Variants in STAP2 observed in about 807,000 individuals in gnomAD.
STAP2 encodes signal transducing adaptor family member 2.
In STAP2, 58 loss-of-function variants were observed where a neutral mutation model predicts 52.7. The ratio of observed to expected loss-of-function variants is 1.10; its 90% CI spans 0.89 to 1.37. The LOEUF is 1.37. STAP2 is among the 40% of genes most tolerant of loss of function. The probability of loss-of-function intolerance (pLI) is 0.00; values close to 1 mark genes in which losing one functional copy is unlikely to be tolerated. For missense variants in STAP2, 522 were observed against 519.4 expected (o/e 1.00, Z -0.05); for synonymous variants, 231 against 210.5 (o/e 1.10, Z -0.84).
At position 4,327,235 on chromosome 19, in the gene STAP2, A is replaced by C. The variant is rs1289171193; in HGVS notation, c.661-9T>G. ...AGGGAGGTGCAAGAGAACTGGGGGC[A>C]GATGGGGGAGCGGTCAGGCTGCTGG... is the stretch of plus-strand genomic sequence containing the variant. On this transcript the variant is annotated splice_polypyrimidine_tract_variant and intron_variant, in intron 7 of 12. Transcript: ENST00000594605. 7.4e-6 allele frequency: 12 copies of C among 1,614,054 alleles called. No individual in the cohort carries two copies. Among genetic ancestry groups the C allele is most frequent in the Non-Finnish European group, 9.3e-6 (11 of 1,180,008 alleles).
chr19:4,330,674 T>C (rs899654054), intron 4 of STAP2, among the ~76,000 whole-genome samples: 4 of 150,226 alleles, frequency 2.7e-5, no homozygotes, highest in Admixed American at 6.6e-5. Context: ...ATCAGGAAGG[T>C]AGACTAAAAT....
At chr19:4,332,231 G>T (rs1971905621) in intron 3 of STAP2, among the ~76,000 whole-genome samples, 153 bp from the exon 4 acceptor site, 2 of 96,068 alleles carry the variant, frequency 2.1e-5, no homozygotes, top group South Asian at 7.5e-4. Context: ...TTGAGATGGA[G>T]TCTCATTCTT....
At chr19:4,325,366 C>A in intron 10 of STAP2, 30 bp downstream of exon 10, 2 of 1,614,168 alleles carry the variant, frequency 1.2e-6, no homozygotes, top group Non-Finnish European at 1.7e-6. Flanking sequence ...CCCCAACCCC[C>A]AGCTCTCAGC....
At position 4,327,006 on chromosome 19, in the gene STAP2, G is replaced by T. The variant is rs1453515059; in HGVS notation, c.765C>A (p.Gly255=). 1.3e-6 allele frequency: 2 copies of T among 1,563,944 alleles called. No homozygotes were observed. Among genetic ancestry groups the T allele is most frequent in the South Asian group, 1.2e-5 (1 of 86,530 alleles). The change falls in exon 9 of 13, where the codon GGC becomes GGA. Residue 255 remains glycine (G), a splice_region_variant and synonymous_variant. Coordinates refer to ENST00000594605, the MANE Select transcript of STAP2 (RefSeq NM_001013841.2). Reference sequence around the variant, plus strand: ...CATTCTCCTTATCGGCTTCCACGTAGCCTGGAACAGAGAGGGCGGCCTGGA... The same window carrying T: ...CATTCTCCTTATCGGCTTCCACGTATCCTGGAACAGAGAGGGCGGCCTGGA... ...LLDEDYEKVL[G]YVEADKENGE...
intron 1 of STAP2, among the ~76,000 whole-genome samples, chr19:4,336,657 G>C (rs1971985549): frequency 6.7e-6 from 1 of 150,272 alleles, no homozygotes; most frequent in East Asian, 2.0e-4. Flanking sequence ...GTTTTTGAGA[G>C]CAGTCTCGCT....
chr19:4,333,042 T>C (rs1313072813), intron 3 of STAP2, among the ~76,000 whole-genome samples: 1 of 150,628 alleles, frequency 6.6e-6, no homozygotes, highest in Non-Finnish European at 1.5e-5. Flanking sequence ...ATACAAAAAT[T>C]AGCTGTGCGT....
chr19:4,332,818 C>A (rs1014818850), intron 3 of STAP2, among the ~76,000 whole-genome samples: 1 of 147,018 alleles, frequency 6.8e-6, no homozygotes, highest in Non-Finnish European at 1.5e-5. Context: ...ACGAGCAAGA[C>A]CCTGTCTCAA....
At chr19:4,329,625 T>C (rs1417340970) in intron 5 of STAP2, among the ~76,000 whole-genome samples, 6 of 150,182 alleles carry the variant, frequency 4.0e-5, no homozygotes. Flanking sequence ...CCGGTTACCC[T>C]CTCCGACAAA....
At chr19:4,331,894 T>G (rs1599552851) in intron 4 of STAP2, 128 bp downstream of exon 4, 1 of 886,776 alleles carries the variant, frequency 1.1e-6, no homozygotes, top group Non-Finnish European at 1.7e-6. Context: ...ATCGCACCAC[T>G]GCACTCCAGC....
In STAP2 at chr19:4,326,996, C is replaced by T; in HGVS notation, c.775G>A (p.Ala259Thr). ...ACATTCTCGCCATTCTCCTTATCGG[C>T]TTCCACGTAGCCTGGAACAGAGAGG... ...DYEKVLGYVE[A>T]DKENGENVWV... is the part of the protein sequence containing the mutation. Residue 259 changes from alanine to threonine, a missense_variant, in exon 9 of 13, where the codon GCC (alanine) becomes ACC (threonine). Physicochemically the swap from Ala to Thr is moderately conservative, Grantham distance 58. Coordinates refer to ENST00000594605, the MANE Select transcript of STAP2 (RefSeq NM_001013841.2). The T allele has an allele frequency of 6.4e-7, 1 of 1,557,856 alleles. No homozygotes were observed. Among genetic ancestry groups the T allele is most frequent in the Non-Finnish European group, 8.7e-7 (1 of 1,149,920 alleles).
chr19:4,338,575 G>C, intron 1 of STAP2, 77 bp downstream of exon 1: 1 of 1,127,824 alleles, frequency 8.9e-7, no homozygotes, highest in Non-Finnish European at 1.2e-6. Context: ...TTGGCGAGTG[G>C]GGAGACAGGG....
intron 1 of STAP2, 95 bp downstream of exon 1, chr19:4,338,557 G>GC (rs994155393): frequency 1.5e-4 from 35 of 230,606 alleles, no homozygotes; most frequent in Middle Eastern, 1.2e-3. Flanking sequence ...CACCCACCCC[G>GC]CCCCCCCTTG....
chr19:4,333,819 G>A lies in STAP2; in HGVS notation c.175-3C>T, dbSNP rs757560124. 6.2e-7 allele frequency: 1 copy of A among 1,613,836 alleles called. No homozygotes were observed. Among genetic ancestry groups the A allele is most frequent in the African/African-American group, 1.3e-5 (1 of 75,034 alleles). ...CCCAAGTTGAGCTTCTCCACGTGCTGGGGGCATAGAAGCAGGGGATCTGGG... is the reference window on the plus strand; with the variant it reads ...CCCAAGTTGAGCTTCTCCACGTGCTAGGGGCATAGAAGCAGGGGATCTGGG... On this transcript the variant is annotated splice_polypyrimidine_tract_variant and splice_region_variant and intron_variant, in intron 2 of 12. Transcript: ENST00000594605.
At chr19:4,337,236 T>A (rs995930696) in intron 1 of STAP2, among the ~76,000 whole-genome samples, 1 of 139,418 alleles carries the variant, frequency 7.2e-6, no homozygotes, top group African/African-American at 2.6e-5. Flanking sequence ...AGACCCCATC[T>A]TTTTTTTTTT....
intron 1 of STAP2, among the ~76,000 whole-genome samples, chr19:4,335,945 A>G (rs1971974091): frequency 6.6e-6 from 1 of 152,146 alleles, no homozygotes; most frequent in Non-Finnish European, 1.5e-5. Flanking sequence ...GCCTGGGAGT[A>G]AGGAAAGTGT....
At chr19:4,329,090 TC>T in intron 5 of STAP2, 1 of 394,826 alleles carries the variant, frequency 2.5e-6, no homozygotes, top group Non-Finnish European at 4.5e-6. Flanking sequence ...AACCTCCGCC[TC>T]CCGGGTTCAA....
At chr19:4,330,146 GC>G in intron 4 of STAP2, 85 bp from the exon 5 acceptor site, 1 of 1,050,392 alleles carries the variant, frequency 9.5e-7, no homozygotes, top group Non-Finnish European at 1.5e-6. Flanking sequence ...GCAAATTGAG[GC>G]CAGAGCTCAG....
intron 1 of STAP2, among the ~76,000 whole-genome samples, chr19:4,337,524 G>A (rs1451712280): frequency 2.1e-5 from 3 of 143,236 alleles, no homozygotes; most frequent in African/African-American, 5.2e-5. Flanking sequence ...GACCCACTGC[G>A]CCTGGCCAGC....
In STAP2 at chr19:4,330,048, G is replaced by C. The variant is rs747174320; in HGVS notation, c.368C>G (p.Thr123Ser). Reference sequence around the variant, plus strand: ...GTGCCCAGGAAGCAGGGTCAAGTCGGTCGGGACACGGAGCTGAGGGGCGAT... The same window carrying C: ...GTGCCCAGGAAGCAGGGTCAAGTCGCTCGGGACACGGAGCTGAGGGGCGAT... Reference protein sequence around the residue: ...ILTVVELRVPTDLTLLPGHLY... With the variant: ...ILTVVELRVPSDLTLLPGHLY... Residue 123 changes from threonine (T) to serine (S), a missense_variant, in exon 5 of 13, where the codon ACC (threonine) becomes AGC (serine). Coordinates refer to ENST00000594605, the MANE Select transcript of STAP2 (RefSeq NM_001013841.2). The C allele has an allele frequency of 6.2e-7, 1 of 1,613,604 alleles. No homozygotes were observed. Among genetic ancestry groups the C allele is most frequent in the African/African-American group, 1.3e-5 (1 of 75,038 alleles).
Sources: allele counts gnomAD v4.1 joint callset (sites outside exome capture counted in the v4.1 genomes callset), GRCh38; gene constraint gnomAD v4.1.1; transcripts MANE v1.5; gene names NCBI Gene and HGNC (gene_info 2026-07-23, HGNC 2026-07-21).